The following SYT14 variants were observed in gnomAD, a reference collection of about 807,000 sequenced individuals.
The protein encoded by SYT14 is synaptotagmin 14.
Under a neutral mutation model 74.2 loss-of-function variants are expected in SYT14, and 32 were observed. That is an observed-to-expected ratio of 0.43 (90% confidence interval 0.33 to 0.58). SYT14 has a LOEUF of 0.58. Among genes scored for constraint, SYT14 ranks in the 20% least tolerant of loss-of-function variants. The probability of loss-of-function intolerance (pLI) is 0.05; values close to 1 mark genes in which losing one functional copy is unlikely to be tolerated. For missense variants in SYT14, 791 were observed against 981.8 expected, an observed-to-expected ratio of 0.81 and a Z score of 2.60; for synonymous variants, 298 against 337.7, an observed-to-expected ratio of 0.88 and a Z score of 1.29.
At chr1:209,942,369 C>CTG (rs1572043531) in intron 1 of SYT14, among the ~76,000 whole-genome samples, 1 of 133,504 alleles carries the variant, frequency 7.5e-6, no homozygotes, top group East Asian at 2.1e-4. Flanking sequence ...TACCCCCCCC[C>CTG]CCCCGCTCTG....
At chr1:210,029,942 C>T (rs748135974) in intron 5 of SYT14, among the ~76,000 whole-genome samples, 4 of 152,002 alleles carry the variant, frequency 2.6e-5, no homozygotes, top group South Asian at 2.1e-4. Context: ...CAGTTTTCAC[C>T]GTACAAGTCT....
chr1:209,998,302 G>C (rs2079833737), intron 2 of SYT14, among the ~76,000 whole-genome samples: 1 of 151,970 alleles, frequency 6.6e-6, no homozygotes. Flanking sequence ...AATTGAAGAG[G>C]ACCCAAACAA....
chr1:210,169,093 TTTAAA>T (rs2083489364), exon 10 of SYT14: 2 of 152,070 alleles, frequency 1.3e-5, no homozygotes, highest in African/African-American at 4.8e-5. Context: ...GAAGCCTTCT[TTTAAA>T]AACCTGGTTT....
At chr1:210,076,538 G>GT (rs2102464177) in intron 5 of SYT14, among the ~76,000 whole-genome samples, 1 of 152,272 alleles carries the variant, frequency 6.6e-6, no homozygotes, top group Non-Finnish European at 1.5e-5. Context: ...AAAGGTGGCT[G>GT]TATTAGTCCA....
intron 2 of SYT14, among the ~76,000 whole-genome samples, chr1:209,962,677 C>G (rs975591033): frequency 1.3e-5 from 2 of 151,854 alleles, no homozygotes; most frequent in Non-Finnish European, 2.9e-5. Flanking sequence ...TTAACATATA[C>G]GCTAAGAGTA....
chr1:210,161,512 A>G (rs1316582447), exon 10 of SYT14: 3 of 453,924 alleles, frequency 6.6e-6, no homozygotes, highest in South Asian at 1.6e-5. Context: ...CTCCAACTCT[A>G]TCATAAGTCA....
At chr1:209,983,481 T>C (rs892422840) in intron 2 of SYT14, among the ~76,000 whole-genome samples, 12 of 152,184 alleles carry the variant, frequency 7.9e-5, no homozygotes, top group African/African-American at 2.7e-4. Flanking sequence ...CCTGGCCAAA[T>C]CTGCCATTGA....
At chr1:210,161,529 A>G (rs575686140) in exon 10 of SYT14, 1 of 454,014 alleles carries the variant, frequency 2.2e-6, no homozygotes, top group African/African-American at 2.0e-5. Flanking sequence ...GTCATATCTA[A>G]TGGTGAAGGG....
chr1:210,067,378 A>G (rs1467046356), intron 5 of SYT14, among the ~76,000 whole-genome samples: 1 of 152,056 alleles, frequency 6.6e-6, no homozygotes. Flanking sequence ...TCTGTAGATT[A>G]CTTTGGAGGA....
rs568379782 is a variant in SYT14, at chr1:210,098,801, T to C, written c.1585-1211T>C. On this transcript the variant is annotated intron_variant, in intron 6 of 9. Coordinates refer to ENST00000637265, the Ensembl canonical transcript of SYT14. ...GCTCAAGCGATTCTCCTGCCTCACC[T>C]ACCTGAGTAGCTGGGACTACAGGCA... 3.3e-5 allele frequency among the ~76,000 whole-genome samples: 5 copies of C among 152,014 alleles called. No homozygotes were observed. The East Asian group carries it at 9.7e-4, about 30-fold the overall frequency.
At chr1:210,137,580 A>AT (rs995334208) in intron 7 of SYT14, among the ~76,000 whole-genome samples, 156 of 143,380 alleles carry the variant, frequency 1.1e-3, no homozygotes, top group South Asian at 2.0e-3. Flanking sequence ...TCCAGGCCTT[A>AT]TTTTTTTTTT....
At chr1:209,968,957 C>T (rs2079200747) in intron 2 of SYT14, among the ~76,000 whole-genome samples, 2 of 151,980 alleles carry the variant, frequency 1.3e-5, no homozygotes, top group African/African-American at 4.8e-5. Context: ...TCCCTATGTA[C>T]CCAGTGTTTA....
At chr1:210,045,366 G>C (rs977993843) in intron 5 of SYT14, among the ~76,000 whole-genome samples, 2 of 152,146 alleles carry the variant, frequency 1.3e-5, no homozygotes, top group African/African-American at 4.8e-5. Flanking sequence ...TTAATTTGTA[G>C]TTCATTTATT....
chr1:210,031,213 G>T (rs1313545108), intron 5 of SYT14, among the ~76,000 whole-genome samples: 2 of 150,452 alleles, frequency 1.3e-5, no homozygotes, highest in African/African-American at 4.9e-5. Flanking sequence ...TTCTTCTTCA[G>T]CCATATGTGA....
chr1:210,165,964 A>C (rs1401167487), exon 10 of SYT14: 1 of 152,206 alleles, frequency 6.6e-6, no homozygotes, highest in Non-Finnish European at 1.5e-5. Flanking sequence ...AGAGATAATA[A>C]ATTGGTCGAA....
At chr1:210,136,750 C>A (rs996259658) in intron 7 of SYT14, among the ~76,000 whole-genome samples, 1 of 152,242 alleles carries the variant, frequency 6.6e-6, no homozygotes, top group Non-Finnish European at 1.5e-5. Context: ...CTCACCGTAG[C>A]CTCTGGTGGT....
At chr1:209,952,267 G>T (rs966263652) in intron 1 of SYT14, among the ~76,000 whole-genome samples, 1 of 152,036 alleles carries the variant, frequency 6.6e-6, no homozygotes, top group Non-Finnish European at 1.5e-5. Flanking sequence ...ATAATAGTGG[G>T]TTGTTGGAGA....
chr1:210,069,133 T>C (rs775930013), intron 5 of SYT14, among the ~76,000 whole-genome samples: 4 of 151,956 alleles, frequency 2.6e-5, no homozygotes, highest in Non-Finnish European at 5.9e-5. Flanking sequence ...GCTATCAAAA[T>C]CTATGCAATT....
chr1:210,090,332 G>A (rs2081839550), intron 5 of SYT14, among the ~76,000 whole-genome samples: 2 of 151,016 alleles, frequency 1.3e-5, no homozygotes, highest in African/African-American at 4.9e-5. Context: ...TAATTGCTCA[G>A]CATATAATCA....
Sources: gnomAD v4.1 joint callset for allele counts (sites outside exome capture counted in the v4.1 genomes callset) on GRCh38, gnomAD v4.1.1 for gene constraint, MANE v1.5 for transcripts, NCBI Gene and HGNC (gene_info 2026-07-23, HGNC 2026-07-21) for gene names.